Variants in DISP1 observed in about 807,000 individuals in gnomAD.
DISP1 encodes protein dispatched homolog 1.
Under a neutral mutation model 37.3 loss-of-function variants are expected in DISP1, and 30 were observed. That is an observed-to-expected ratio of 0.80 (90% CI 0.60 to 1.09). The LOEUF is 1.09. DISP1 is among the 50% of genes least tolerant of loss of function. DISP1 has a pLI of 0.00. For missense variants in DISP1, 1,598 were observed against 1,879.5 expected (o/e 0.85, Z 2.77); for synonymous variants, 634 against 690.2 (o/e 0.92, Z 1.28).
chr1:222,851,613 T>C (rs1239241992), intron 1 of DISP1, among the ~76,000 whole-genome samples: 1 of 152,194 alleles, frequency 6.6e-6, no homozygotes, highest in Non-Finnish European at 1.5e-5. Flanking sequence ...CATCCCCAGG[T>C]GATTCATTAA....
Position 223,005,955 on chromosome 1 carries a change from T to C in DISP1, c.4558T>C (p.Leu1520=). Residue 1520 remains leucine, a synonymous_variant, in exon 9 of 9, where the codon TTA becomes CTA. Coordinates refer to ENST00000675850, the MANE Select transcript of DISP1 (RefSeq NM_001377229.1). ...CTCGGAACTTTCTGGTGAAAGTTTG[T>C]TAATAAAAACACTATAATAAATGCA... is the stretch of plus-strand genomic sequence containing the variant. ...THSELSGESL[L]IKTL 1 of 1,613,204 alleles carries C rather than the reference T, an allele frequency of 6.2e-7. No homozygotes were observed. The highest frequency in any genetic ancestry group is 8.5e-7 in the Non-Finnish European group (1 of 1,179,522).
At chr1:222,929,064 T>A (rs1673239761) in intron 2 of DISP1, among the ~76,000 whole-genome samples, 1 of 151,860 alleles carries the variant, frequency 6.6e-6, no homozygotes, top group African/African-American at 2.4e-5. Context: ...ATAAAGAGAG[T>A]AGTTTGGTGA....
chr1:222,865,058 C>T (rs1187402493), intron 1 of DISP1, among the ~76,000 whole-genome samples: 1 of 150,874 alleles, frequency 6.6e-6, no homozygotes, highest in Non-Finnish European at 1.5e-5. Context: ...TTTCCTTAAA[C>T]CTCAGGAAAC....
chr1:222,868,531 A>G (rs1418948341), intron 1 of DISP1, among the ~76,000 whole-genome samples: 1 of 152,178 alleles, frequency 6.6e-6, no homozygotes, highest in Admixed American at 6.6e-5. Flanking sequence ...CTTTTTCTTC[A>G]TTTATTGTTG....
At chr1:222,908,611 G>T (rs1672043901) in intron 1 of DISP1, among the ~76,000 whole-genome samples, 1 of 152,118 alleles carries the variant, frequency 6.6e-6, no homozygotes, top group African/African-American at 2.4e-5. Context: ...GGCCAGGCTG[G>T]TCTTGAATTC....
chr1:222,881,689 G>C (rs1326621397), intron 1 of DISP1, among the ~76,000 whole-genome samples: 1 of 152,194 alleles, frequency 6.6e-6, no homozygotes, highest in Non-Finnish European at 1.5e-5. Flanking sequence ...GGTAGAGTTT[G>C]AGATTGTAAA....
At chr1:222,939,255 A>C (rs1674194083) in intron 2 of DISP1, among the ~76,000 whole-genome samples, 1 of 152,178 alleles carries the variant, frequency 6.6e-6, no homozygotes, top group African/African-American at 2.4e-5. Flanking sequence ...CCCAGCTGGC[A>C]TATAAGAATC....
chr1:222,978,638 G>A (rs1180076558), intron 3 of DISP1, among the ~76,000 whole-genome samples: 1 of 152,140 alleles, frequency 6.6e-6, no homozygotes, highest in Admixed American at 6.6e-5. Context: ...TTCTTCTAGG[G>A]TTTTTATGGT....
At chr1:222,945,405 G>A (rs945647330) in intron 3 of DISP1, among the ~76,000 whole-genome samples, 2 of 152,140 alleles carry the variant, frequency 1.3e-5, no homozygotes, top group Admixed American at 6.5e-5. Context: ...CATAAATATT[G>A]ATGTTTCAAA....
At chr1:222,942,569 A>C (rs1234517372) in intron 2 of DISP1, among the ~76,000 whole-genome samples, 3 of 152,038 alleles carry the variant, frequency 2.0e-5, no homozygotes, top group Non-Finnish European at 4.4e-5. Flanking sequence ...GGGCAGGAGA[A>C]AAGTGATCAA....
chr1:222,965,701 A>G (rs1676427592), intron 3 of DISP1, among the ~76,000 whole-genome samples: 2 of 151,974 alleles, frequency 1.3e-5, no homozygotes, highest in African/African-American at 4.8e-5. Flanking sequence ...TTTCCATAAT[A>G]TCTCACTCAG....
chr1:223,004,009 A>C lies in DISP1; in HGVS notation c.2612A>C (p.Tyr871Ser). 6.2e-7 allele frequency: 1 copy of C among 1,614,096 alleles called. No homozygotes were observed. Among genetic ancestry groups the C allele is most frequent in the Non-Finnish European group, 8.5e-7 (1 of 1,180,020 alleles). Residue 871 changes from tyrosine to serine, a missense_variant, in exon 9 of 9, where the codon TAC becomes TCC. Transcript: ENST00000675850. The surrounding 1 kb of genome is among the most constrained non-coding windows in gnomAD (Gnocchi z 4.9). ...ENQDCDEPAL[Y>S]PCCSHWSFPY... ...CAGGACTGTGATGAGCCTGCCCTGT[A>C]CCCATGCTGCAGCCACTGGAGCTTC... is the stretch of plus-strand genomic sequence containing the variant.
chr1:222,841,871 A>G (rs538590787), intron 1 of DISP1, among the ~76,000 whole-genome samples: 8 of 152,282 alleles, frequency 5.3e-5, no homozygotes, highest in African/African-American at 9.6e-5. Context: ...TGGTATTGGT[A>G]AAGTATTCTT....
At chr1:222,863,564 T>G (rs1387565463) in intron 1 of DISP1, among the ~76,000 whole-genome samples, 3 of 151,646 alleles carry the variant, frequency 2.0e-5, no homozygotes, top group Non-Finnish European at 2.9e-5. Flanking sequence ...TGTGGGGAGA[T>G]CCTTTGAAAC....
chr1:222,948,004 G>A (rs1674922566), intron 3 of DISP1, among the ~76,000 whole-genome samples: 1 of 152,156 alleles, frequency 6.6e-6, no homozygotes, highest in Non-Finnish European at 1.5e-5. Context: ...TATCGGAGGG[G>A]CAAAGGGAGT....
intron 1 of DISP1, among the ~76,000 whole-genome samples, chr1:222,896,935 G>A (rs1048249452): frequency 6.6e-6 from 1 of 152,160 alleles, no homozygotes; most frequent in Non-Finnish European, 1.5e-5. Context: ...GTGTGAAATG[G>A]CAAAACCACT....
At position 222,964,297 on chromosome 1, in the gene DISP1, C is replaced by CAAA. The variant is rs11434945; in HGVS notation, c.510-18770_510-18768dup. On this transcript the variant is annotated intron_variant, in intron 3 of 8. Transcript: ENST00000675850. The stretch of plus-strand genomic sequence containing the variant: ...CTGGCGACAGAGCGAGACTCTATCT[C>CAAA]AAAAAAAAAAAAAAAGTGTTTGGAA... 5.5e-3 allele frequency among the ~76,000 whole-genome samples: 761 copies of CAAA among 138,910 alleles called. 8 individuals carry two copies. The highest frequency in any genetic ancestry group is 0.021 in the South Asian group (88 of 4,148). 91.1% of individuals were successfully genotyped at this position (138,910 alleles called of 152,430 possible). A position where few individuals can be genotyped will look rare whatever the true frequency, so the allele number is the denominator to read the frequency against.
intron 2 of DISP1, among the ~76,000 whole-genome samples, chr1:222,940,292 G>A (rs879839138): frequency 6.6e-6 from 1 of 152,124 alleles, no homozygotes; most frequent in Non-Finnish European, 1.5e-5. Flanking sequence ...AGGTAAAGGG[G>A]AAGCTGGCCA....
At chr1:222,899,501 T>C (rs1208637952) in intron 1 of DISP1, among the ~76,000 whole-genome samples, 1 of 152,226 alleles carries the variant, frequency 6.6e-6, no homozygotes, top group African/African-American at 2.4e-5. Context: ...ATTTTAATTA[T>C]GTCCTCACTG....
Sources: gnomAD v4.1 joint callset for allele counts (sites outside exome capture counted in the v4.1 genomes callset) on GRCh38, gnomAD v4.1.1 for gene constraint, Gnocchi (gnomAD v3.1) non-coding constraint, MANE v1.5 for transcripts, NCBI Gene and HGNC (gene_info 2026-07-23, HGNC 2026-07-21) for gene names.